Variants in ZNF431 observed in about 807,000 individuals in gnomAD.
ZNF431 encodes the protein zinc finger protein 431.
ZNF431 carries 34 observed loss-of-function variants against 57.0 expected under a neutral mutation model. The observed-to-expected ratio is 0.60, with a 90% CI of 0.45 to 0.79. ZNF431 has a LOEUF of 0.79. ZNF431 is among the 30% of genes least tolerant of loss of function. The pLI, the probability that ZNF431 is intolerant of heterozygous loss-of-function variation, is 0.00. For missense variants in ZNF431, 607 were observed against 667.1 expected (o/e 0.91, Z 0.99); for synonymous variants, 207 against 220.3 (o/e 0.94, Z 0.54).
chr19:21,148,154 C>T (rs1039134737), intron 2 of ZNF431, among the ~76,000 whole-genome samples: 1 of 152,070 alleles, frequency 6.6e-6, no homozygotes, highest in Non-Finnish European at 1.5e-5. Flanking sequence ...ACCACCATAC[C>T]TGGCTAATTT....
Position 21,189,959 on chromosome 19 carries a change from C to T in ZNF431, c.*5925C>T, listed in dbSNP as rs894038545. 10 of 397,324 alleles carry T rather than the reference C, an allele frequency of 2.5e-5. No individual in the cohort carries two copies. In the East Asian group the frequency reaches 2.9e-4, roughly 11 times the overall value. 24.6% of individuals were successfully genotyped at this position (397,324 alleles called of 1,614,324 possible). On this transcript the variant is annotated 3_prime_UTR_variant, in exon 5 of 5. Transcript: ENST00000311048. The stretch of plus-strand genomic sequence containing the variant: ...AGGAGTTTGAGACCAGCCTGGACAA[C>T]GTGGAAAAACCCCATCTCTACTAAA...
At chr19:21,155,151 T>G (rs1970383501) in intron 2 of ZNF431, among the ~76,000 whole-genome samples, 1 of 152,232 alleles carries the variant, frequency 6.6e-6, no homozygotes. Flanking sequence ...TTTATGGTTT[T>G]AGGTCTAACA....
At position 21,192,885 on chromosome 19, in the gene ZNF431, T is replaced by C. The variant is rs1194501613; in HGVS notation, c.*8851T>C. The C allele has an allele frequency of 6.6e-6, 1 of 152,114 alleles. No homozygotes were observed. The highest frequency in any genetic ancestry group is 1.5e-5 in the Non-Finnish European group (1 of 68,020). The allele number at this position is 152,114 out of a possible 1,614,324, so 9.4% of individuals were successfully genotyped here. A position where few individuals can be genotyped will look rare whatever the true frequency, so the allele number is the denominator to read the frequency against. Reference sequence around the variant, plus strand: ...ATATTTAAGTTTTAGAGATGTGAAATCACAACTAATTCTGCATACATACAA... The same window carrying C: ...ATATTTAAGTTTTAGAGATGTGAAACCACAACTAATTCTGCATACATACAA... On this transcript the variant is annotated 3_prime_UTR_variant, in exon 5 of 5. Transcript: ENST00000311048.
chr19:21,143,470 G>A (rs928948756), intron 1 of ZNF431, 81 bp from the exon 2 acceptor site: 5 of 1,115,376 alleles, frequency 4.5e-6, no homozygotes, highest in African/African-American at 1.6e-5. Flanking sequence ...TGCTGTCTGG[G>A]GATGAACTAA....
rs1261175447 is a variant in ZNF431, at chr19:21,183,882, C to G, written c.1579C>G (p.Leu527Val). 6.2e-7 allele frequency: 1 copy of G among 1,613,806 alleles called. No homozygotes were observed. Among genetic ancestry groups the G allele is most frequent in the African/African-American group, 1.3e-5 (1 of 74,918 alleles). ...TAAAGCCTTTAACCAATCCTCAACT[C>G]TTACTAAACATAGGAAAATTCATAC... Reference protein sequence around the residue: ...CGKAFNQSSTLTKHRKIHTRQ... With the variant: ...CGKAFNQSSTVTKHRKIHTRQ... The change falls in exon 5 of 5, where the codon CTT becomes GTT. Residue 527 changes from leucine to valine, a missense_variant. Leu to Val is a conservative substitution (Grantham distance 32). Transcript: ENST00000311048.
At position 21,167,575 on chromosome 19, in the gene ZNF431, T is replaced by C; in HGVS notation, c.228T>C (p.Val76=). 6.4e-7 allele frequency: 1 copy of C among 1,564,208 alleles called. No homozygotes were observed. Among genetic ancestry groups the C allele is most frequent in the Non-Finnish European group, 8.6e-7 (1 of 1,157,320 alleles). Residue 76 remains valine (V), a synonymous_variant, in exon 4 of 5, where the codon GTT becomes GTC. Transcript: ENST00000311048. ...ENYKNLVFLG[V]AVSKQDPVTC... ...TATTTATTTTTAATAAAGCAGGTGT[T>C]GCTGTCTCTAAGCAAGACCCAGTCA...
At chr19:21,177,727 G>A (rs1334528249) in intron 4 of ZNF431, among the ~76,000 whole-genome samples, 1 of 152,124 alleles carries the variant, frequency 6.6e-6, no homozygotes, top group Non-Finnish European at 1.5e-5. Context: ...GGCGGAGGTT[G>A]CAATGAGCTG....
At chr19:21,181,930 A>G (rs1971219638) in intron 4 of ZNF431, among the ~76,000 whole-genome samples, 1 of 152,176 alleles carries the variant, frequency 6.6e-6, no homozygotes. Flanking sequence ...TTGTCCTGGC[A>G]TAGTCTGAAA....
chr19:21,192,470 T>C lies in ZNF431; in HGVS notation c.*8436T>C, dbSNP rs1471519955. On this transcript the variant is annotated 3_prime_UTR_variant, in exon 5 of 5. Transcript: ENST00000311048. Reference sequence around the variant, plus strand: ...CAGGAGTCACTGCACCTTGCCTGTTTATAATTTTTAAGATTTACTAAGGTC... The same window carrying C: ...CAGGAGTCACTGCACCTTGCCTGTTCATAATTTTTAAGATTTACTAAGGTC... 6.6e-6 allele frequency: 1 copy of C among 152,160 alleles called. No individual in the cohort carries two copies. Among genetic ancestry groups the C allele is most frequent in the Non-Finnish European group, 1.5e-5 (1 of 68,030 alleles). 9.4% of individuals were successfully genotyped at this position (152,160 alleles called of 1,614,324 possible). A position where few individuals can be genotyped will look rare whatever the true frequency, so the allele number is the denominator to read the frequency against.
Position 21,187,935 on chromosome 19 carries a change from AT to A in ZNF431, c.*3903del, listed in dbSNP as rs1431091810. 1.3e-5 allele frequency: 2 copies of A among 152,050 alleles called. No individual in the cohort carries two copies. The highest frequency in any genetic ancestry group is 4.8e-5 in the African/African-American group (2 of 41,390). The allele number at this position is 152,050 out of a possible 1,614,324, so 9.4% of individuals were successfully genotyped here. A position where few individuals can be genotyped will look rare whatever the true frequency, so the allele number is the denominator to read the frequency against. ...GTTGGTATTTTTAGTGCACACAAAAATTGGTTTTAACTGTAGAGTTTGCTTA... is the reference window on the plus strand; with the variant it reads ...GTTGGTATTTTTAGTGCACACAAAAATGGTTTTAACTGTAGAGTTTGCTTA... On this transcript the variant is annotated 3_prime_UTR_variant, in exon 5 of 5. Transcript: ENST00000311048.
At position 21,186,506 on chromosome 19, in the gene ZNF431, A is replaced by G. The variant is rs995335265; in HGVS notation, c.*2472A>G. 30 of 152,216 alleles carry G rather than the reference A, an allele frequency of 2.0e-4. No homozygotes were observed. Among genetic ancestry groups the G allele is most frequent in the African/African-American group, 5.5e-4 (23 of 41,462 alleles). 9.4% of individuals were successfully genotyped at this position (152,216 alleles called of 1,614,324 possible). A position where few individuals can be genotyped will look rare whatever the true frequency, so the allele number is the denominator to read the frequency against. ...AGGAAAGAATGATACGGGAACAAAAATCATTTTAATATGGTGACTACTATA... is the reference window on the plus strand; with the variant it reads ...AGGAAAGAATGATACGGGAACAAAAGTCATTTTAATATGGTGACTACTATA... On this transcript the variant is annotated 3_prime_UTR_variant, in exon 5 of 5. Transcript: ENST00000311048.
chr19:21,167,773 G>A, intron 4 of ZNF431, 107 bp downstream of exon 4: 1 of 692,558 alleles, frequency 1.4e-6, no homozygotes, highest in Non-Finnish European at 2.1e-6. Context: ...GTGTTATAAA[G>A]CATGTAGTTT....
At chr19:21,155,564 A>T (rs1026160820) in intron 2 of ZNF431, among the ~76,000 whole-genome samples, 5 of 152,142 alleles carry the variant, frequency 3.3e-5, no homozygotes, top group Admixed American at 6.5e-5. Context: ...GAAGAAAGTC[A>T]TTGGTAGCTT....
At chr19:21,153,939 C>T (rs1442521561) in intron 2 of ZNF431, among the ~76,000 whole-genome samples, 3 of 152,178 alleles carry the variant, frequency 2.0e-5, no homozygotes, top group East Asian at 1.9e-4. Context: ...TGGTCTCAAA[C>T]GCCCGACCTC....
At position 21,185,967 on chromosome 19, in the gene ZNF431, T is replaced by A. The variant is rs1395893691; in HGVS notation, c.*1933T>A. On this transcript the variant is annotated 3_prime_UTR_variant, in exon 5 of 5. Coordinates refer to ENST00000311048, the MANE Select transcript of ZNF431 (RefSeq NM_133473.4). ...AAATTATATACGAGTATAAATGAAA[T>A]TCATTTCTAAATTCTTAATAAATAT... is the stretch of plus-strand genomic sequence containing the variant. 1.3e-5 allele frequency: 2 copies of A among 152,270 alleles called. No homozygotes were observed. Among genetic ancestry groups the A allele is most frequent in the East Asian group, 3.9e-4 (2 of 5,178 alleles). 9.4% of individuals were successfully genotyped at this position (152,270 alleles called of 1,614,324 possible).
intron 4 of ZNF431, among the ~76,000 whole-genome samples, chr19:21,181,236 A>G (rs1211444031): frequency 6.6e-6 from 1 of 152,170 alleles, no homozygotes; most frequent in Non-Finnish European, 1.5e-5. Context: ...TATTTTCAGT[A>G]GCAGCAACGG....
chr19:21,181,691 T>C (rs7256860), intron 4 of ZNF431, among the ~76,000 whole-genome samples: 28,021 of 151,928 alleles, frequency 0.18, 3,196 homozygotes, highest in African/African-American at 0.32. Context: ...ATTTTTGTTA[T>C]TCTCATTTTT....
chr19:21,164,599 A>G (rs573814300), intron 2 of ZNF431, among the ~76,000 whole-genome samples: 7 of 152,152 alleles, frequency 4.6e-5, no homozygotes, highest in African/African-American at 1.7e-4. Flanking sequence ...TTGTCCAGAG[A>G]ATTTTATCTG....
intron 2 of ZNF431, chr19:21,150,314 C>A: frequency 2.3e-6 from 1 of 438,452 alleles, no homozygotes; most frequent in South Asian, 2.0e-5. Flanking sequence ...GATGTCCTGC[C>A]CAGTGCCACA....
Sources: allele counts gnomAD v4.1 joint callset (sites outside exome capture counted in the v4.1 genomes callset), GRCh38; gene constraint gnomAD v4.1.1; transcripts MANE v1.5; gene names NCBI Gene and HGNC (gene_info 2026-07-23, HGNC 2026-07-21).